Variants in GUCY1A2 observed in about 807,000 individuals in gnomAD.
GUCY1A2 encodes the protein guanylate cyclase 1 soluble subunit alpha 2.
In GUCY1A2, 27 loss-of-function variants were observed where a neutral mutation model predicts 63.5. The observed-to-expected ratio is 0.43, with a 90% CI of 0.31 to 0.59. The LOEUF (loss-of-function observed/expected upper bound fraction) is 0.59. Among genes scored for constraint, GUCY1A2 ranks in the 20% least tolerant of loss-of-function variants. GUCY1A2 has a pLI of 0.11. For missense variants in GUCY1A2, 768 were observed against 913.3 expected (o/e 0.84, Z 2.05); for synonymous variants, 364 against 343.5 (o/e 1.06, Z -0.66).
At chr11:106,900,302 G>T (rs1462516668) in intron 4 of GUCY1A2, among the ~76,000 whole-genome samples, 1 of 152,038 alleles carries the variant, frequency 6.6e-6, no homozygotes. Context: ...TCCTACCTCA[G>T]CCTCCTGGGT....
intron 4 of GUCY1A2, among the ~76,000 whole-genome samples, chr11:106,893,598 T>A (rs1036690042): frequency 6.6e-6 from 1 of 152,144 alleles, no homozygotes; most frequent in African/African-American, 2.4e-5. Context: ...CACTTCATCC[T>A]AACAATAAGT....
chr11:106,928,189 C>T (rs1041766713), intron 4 of GUCY1A2, among the ~76,000 whole-genome samples: 2 of 152,170 alleles, frequency 1.3e-5, no homozygotes, highest in Non-Finnish European at 2.9e-5. Context: ...GATTCCCTCA[C>T]ACCTCTTCTA....
chr11:106,741,076 A>C (rs1413716872), intron 6 of GUCY1A2, among the ~76,000 whole-genome samples: 1 of 152,174 alleles, frequency 6.6e-6, no homozygotes, highest in African/African-American at 2.4e-5. Flanking sequence ...CAATAGAAAA[A>C]CAATGTAGGC....
intron 5 of GUCY1A2, among the ~76,000 whole-genome samples, chr11:106,787,078 A>AT (rs925819670): frequency 1.4e-4 from 22 of 151,776 alleles, no homozygotes; most frequent in African/African-American, 5.1e-4. Flanking sequence ...TTAAGAATTC[A>AT]TTTTTTTAGT....
In GUCY1A2 at chr11:106,918,712, T is replaced by C. The variant is rs1389387413; in HGVS notation, c.1206+20748A>G. Reference sequence around the variant, plus strand: ...GGCAAACAACTAAAGACAGAAAAGATTTATTGTGCACACTTCATCTCATGA... The same window carrying C: ...GGCAAACAACTAAAGACAGAAAAGACTTATTGTGCACACTTCATCTCATGA... On this transcript the variant is annotated intron_variant, in intron 4 of 7. Transcript: ENST00000526355. 4.8e-5 allele frequency among the ~76,000 whole-genome samples: 7 copies of C among 145,576 alleles called. 1 individual carries two copies. The highest frequency in any genetic ancestry group is 4.1e-4 in the Admixed American group (6 of 14,578).
intron 4 of GUCY1A2, among the ~76,000 whole-genome samples, chr11:106,835,365 C>T (rs993307551): frequency 6.6e-6 from 1 of 151,178 alleles, no homozygotes; most frequent in Non-Finnish European, 1.5e-5. Flanking sequence ...TCTAAAAATA[C>T]CGTAACATGT....
chr11:106,810,404 C>T lies in GUCY1A2; in HGVS notation c.1281G>A (p.Val427=), dbSNP rs147703493. ...GGCCCATGAGTTCATCCAACTTGTC[C>T]ACACATGGAGAGCCCAAAAATAAAA... ...NSILFLGSPC[V]DKLDELMGRG... is the part of the protein sequence containing the mutation. Residue 427 remains valine (V), a synonymous_variant, in exon 5 of 8, where the codon GTG becomes GTA. Transcript: ENST00000526355. 2.1e-3 allele frequency: 3,367 copies of T among 1,613,534 alleles called. 5 individuals are homozygous for T. The highest frequency in any genetic ancestry group is 8.4e-3 in the Middle Eastern group (51 of 6,060).
intron 5 of GUCY1A2, among the ~76,000 whole-genome samples, chr11:106,805,088 T>C (rs1219749871): frequency 1.3e-5 from 2 of 152,168 alleles, no homozygotes; most frequent in African/African-American, 4.8e-5. Flanking sequence ...TGGGTCCTGG[T>C]ATTACCTGGT....
At position 106,681,602 on chromosome 11, in the gene GUCY1A2, ATAGAT is replaced by A; in HGVS notation, c.*5942_*5946del. The A allele has an allele frequency of 4.5e-6, 1 of 223,490 alleles. No individual in the cohort carries two copies. Among genetic ancestry groups the A allele is most frequent in the Non-Finnish European group, 8.9e-6 (1 of 111,926 alleles). The allele number at this position is 223,490 out of a possible 1,614,324, so 13.8% of individuals were successfully genotyped here. A position where few individuals can be genotyped will look rare whatever the true frequency, so the allele number is the denominator to read the frequency against. ...TGTTTGCAAATGAATAACTTCTGAG[ATAGAT>A]TAAACATGTCATTTGCCCGAATATT... On this transcript the variant is annotated 3_prime_UTR_variant, in exon 8 of 8. Transcript: ENST00000526355.
At chr11:106,970,370 T>C (rs1210992375) in intron 3 of GUCY1A2, among the ~76,000 whole-genome samples, 2 of 152,212 alleles carry the variant, frequency 1.3e-5, no homozygotes, top group African/African-American at 4.8e-5. Flanking sequence ...TGGGCAATCA[T>C]TGCTATCACT....
At chr11:106,720,400 T>C (rs7931295) in intron 6 of GUCY1A2, among the ~76,000 whole-genome samples, 80,718 of 152,064 alleles carry the variant, frequency 0.53, 22,018 homozygotes, top group Middle Eastern at 0.61. Flanking sequence ...AGCTTATGCA[T>C]GCCAAAAGAT....
chr11:106,876,158 A>T (rs191493921), intron 4 of GUCY1A2, among the ~76,000 whole-genome samples: 5 of 152,198 alleles, frequency 3.3e-5, no homozygotes, highest in Admixed American at 6.6e-5. Context: ...AACAATATCT[A>T]AAAAAAGTAA....
intron 6 of GUCY1A2, among the ~76,000 whole-genome samples, chr11:106,710,499 A>G (rs1416484483): frequency 6.7e-6 from 1 of 149,146 alleles, no homozygotes; most frequent in Non-Finnish European, 1.5e-5. Flanking sequence ...TTAGTGATAA[A>G]TGTTGAATAA....
Position 106,680,579 on chromosome 11 carries a change from T to G in GUCY1A2, c.*6970A>C, listed in dbSNP as rs1862416260. The G allele has an allele frequency of 5.1e-6, 1 of 196,200 alleles. No individual in the cohort carries two copies. Among genetic ancestry groups the G allele is most frequent in the Non-Finnish European group, 1.1e-5 (1 of 94,614 alleles). 12.2% of individuals were successfully genotyped at this position (196,200 alleles called of 1,614,324 possible). ...ATAACTTCAGTGTAATTTAATAGAT[T>G]CAAATTAAATATTTTCCATTATTTA... On this transcript the variant is annotated 3_prime_UTR_variant, in exon 8 of 8. Transcript: ENST00000526355.
At chr11:106,897,438 C>T (rs1860066107) in intron 4 of GUCY1A2, among the ~76,000 whole-genome samples, 1 of 151,868 alleles carries the variant, frequency 6.6e-6, no homozygotes, top group Non-Finnish European at 1.5e-5. Context: ...CATTACCCAA[C>T]CTCAAGACTT....
At chr11:106,993,158 G>C (rs1466024890) in intron 1 of GUCY1A2, among the ~76,000 whole-genome samples, 1 of 152,184 alleles carries the variant, frequency 6.6e-6, no homozygotes. Flanking sequence ...TTAGTAAACA[G>C]GCTTGTCAGA....
At chr11:106,942,989 G>A (rs1335114335) in intron 3 of GUCY1A2, among the ~76,000 whole-genome samples, 5 of 151,906 alleles carry the variant, frequency 3.3e-5, no homozygotes, top group Non-Finnish European at 7.4e-5. Flanking sequence ...TATTATGAAT[G>A]GCAATTCTAT....
chr11:106,804,906 CCTT>C (rs942355407), intron 5 of GUCY1A2, among the ~76,000 whole-genome samples: 1 of 152,118 alleles, frequency 6.6e-6, no homozygotes, highest in Non-Finnish European at 1.5e-5. Context: ...CATCTAGTCC[CCTT>C]GGGCCCACTC....
At chr11:106,990,890 ACAAT>A (rs1861462437) in intron 1 of GUCY1A2, among the ~76,000 whole-genome samples, 1 of 152,248 alleles carries the variant, frequency 6.6e-6, no homozygotes, top group African/African-American at 2.4e-5. Flanking sequence ...TAATTTAAAA[ACAAT>A]CAAACTTCTC....
Sources: gnomAD v4.1 joint callset for allele counts (sites outside exome capture counted in the v4.1 genomes callset) on GRCh38, gnomAD v4.1.1 for gene constraint, MANE v1.5 for transcripts, NCBI Gene and HGNC (gene_info 2026-07-23, HGNC 2026-07-21) for gene names.